Variants in ISM1 observed in about 807,000 individuals in gnomAD.
ISM1 encodes the protein isthmin 1.
ISM1 carries 25 observed loss-of-function variants against 46.3 expected under a neutral mutation model. The ratio of observed to expected loss-of-function variants is 0.54; its 90% CI spans 0.39 to 0.75. The LOEUF (loss-of-function observed/expected upper bound fraction) is 0.75, where lower values mean the gene tolerates loss of function less well. ISM1 is among the 30% of genes least tolerant of loss of function. ISM1 has a pLI of 0.00. For synonymous variants in ISM1, 255 were observed against 256.7 expected, an observed-to-expected ratio of 0.99 and a Z score of 0.06; for missense variants, 536 against 625.4, an observed-to-expected ratio of 0.86 and a Z score of 1.52.
rs1568693308 is a variant in ISM1, at chr20:13,299,741, G to A, written c.*282G>A. ...TGGAAGCCAGAAGAAGAACCTGGAA[G>A]CCACAGTGGGTGCGACTCAATTCAC... On this transcript the variant is annotated 3_prime_UTR_variant, in exon 6 of 6. Transcript: ENST00000262487. The surrounding 1 kb of genome is among the most constrained non-coding windows in gnomAD (Gnocchi z 5.8). The A allele has an allele frequency of 8.7e-6, 3 of 345,982 alleles. No individual in the cohort carries two copies. The highest frequency in any genetic ancestry group is 8.1e-5 in the South Asian group (1 of 12,356). The allele number at this position is 345,982 out of a possible 1,614,324, so 21.4% of individuals were successfully genotyped here. A position where few individuals can be genotyped will look rare whatever the true frequency, so the allele number is the denominator to read the frequency against.
At chr20:13,304,696 A>G (rs115056229), downstream of ISM1, among the ~76,000 whole-genome samples, 664 of 152,260 alleles carry the variant, frequency 4.4e-3, 3 homozygotes, top group African/African-American at 0.013. Context: ...CAGTAAACCC[A>G]TAAGACTCCA....
chr20:13,221,857 G>C lies in ISM1; in HGVS notation c.81G>C (p.Ser27=), dbSNP rs764476043. 6 of 1,432,608 alleles carry C rather than the reference G, an allele frequency of 4.2e-6. No homozygotes were observed. In the South Asian group the frequency reaches 7.1e-5, roughly 17 times the overall value. The allele number at this position is 1,432,608 out of a possible 1,614,324, so 88.7% of individuals were successfully genotyped here. A position where few individuals can be genotyped will look rare whatever the true frequency, so the allele number is the denominator to read the frequency against. The stretch of plus-strand genomic sequence containing the variant: ...TGCACATCACCGTGCTGCGCGGCTC[G>C]GGAGCCGCCGACGGGCCCGACGCGG... ...LTLHITVLRG[S]GAADGPDAAA... The change falls in exon 1 of 6, where the codon TCG becomes TCC. Residue 27 remains serine, a synonymous_variant. Coordinates refer to ENST00000262487, the MANE Select transcript of ISM1 (RefSeq NM_080826.2).
chr20:13,261,347 G>T (rs935718437), intron 1 of ISM1, among the ~76,000 whole-genome samples: 3 of 151,988 alleles, frequency 2.0e-5, no homozygotes, highest in Admixed American at 1.3e-4. Context: ...GAACCCAGAA[G>T]GCAGAGGTTG....
the ISM1 span, among the ~76,000 whole-genome samples, chr20:13,306,564 C>CAAAAAAAAAAAAAA: frequency 1.6e-5 from 1 of 63,912 alleles, no homozygotes. Flanking sequence ...GGAGAAAGGA[C>CAAAAAAAAAAAAAA]AAAAAAAAAA....
At chr20:13,267,409 G>T (rs1009584074) in intron 1 of ISM1, among the ~76,000 whole-genome samples, 4 of 152,198 alleles carry the variant, frequency 2.6e-5, no homozygotes, top group African/African-American at 9.7e-5. Flanking sequence ...TCCCGGCAGA[G>T]GTACTTGTGG....
intron 2 of ISM1, among the ~76,000 whole-genome samples, chr20:13,271,280 C>T (rs2040112596): frequency 6.6e-6 from 1 of 152,002 alleles, no homozygotes; most frequent in Non-Finnish European, 1.5e-5. Flanking sequence ...ACATGACTTA[C>T]AAAACAATAA....
At chr20:13,224,101 A>G (rs182865422) in intron 1 of ISM1, among the ~76,000 whole-genome samples, 59 of 152,186 alleles carry the variant, frequency 3.9e-4, no homozygotes, top group African/African-American at 1.3e-3. Flanking sequence ...TGCTCCTAGA[A>G]ATATCTTGAG....
At chr20:13,265,434 A>C (rs973983633) in intron 1 of ISM1, among the ~76,000 whole-genome samples, 1 of 152,164 alleles carries the variant, frequency 6.6e-6, no homozygotes, top group African/African-American at 2.4e-5. Context: ...TTCAGTGTAC[A>C]TCAGTCAAGT....
At chr20:13,223,337 C>G (rs2039474916) in intron 1 of ISM1, among the ~76,000 whole-genome samples, 2 of 152,078 alleles carry the variant, frequency 1.3e-5, no homozygotes, top group African/African-American at 4.8e-5. Context: ...TAATAAAACA[C>G]TTCCATTGTG....
At chr20:13,318,725 G>A in the ISM1 span, among the ~76,000 whole-genome samples, 3 of 152,276 alleles carry the variant, frequency 2.0e-5, no homozygotes, top group East Asian at 3.9e-4. Context: ...GTCAAGCCAT[G>A]AGAAAATATT....
At chr20:13,260,060 C>T (rs2039970752) in intron 1 of ISM1, among the ~76,000 whole-genome samples, 1 of 152,176 alleles carries the variant, frequency 6.6e-6, no homozygotes, top group African/African-American at 2.4e-5. Flanking sequence ...CCCACAATTG[C>T]ATCAGCTGCC....
chr20:13,232,600 G>C (rs1282412534), intron 1 of ISM1, among the ~76,000 whole-genome samples: 1 of 152,154 alleles, frequency 6.6e-6, no homozygotes, highest in Non-Finnish European at 1.5e-5. Flanking sequence ...TCAGGTATAA[G>C]CCTTTGTGTG....
chr20:13,312,863 T>C, the ISM1 span, among the ~76,000 whole-genome samples: 23 of 152,336 alleles, frequency 1.5e-4, no homozygotes, highest in East Asian at 3.5e-3. Flanking sequence ...TGTCTGACTC[T>C]AAATCCATTT....
At chr20:13,253,512 G>A (rs143574188) in intron 1 of ISM1, among the ~76,000 whole-genome samples, 2 of 152,284 alleles carry the variant, frequency 1.3e-5, no homozygotes, top group East Asian at 1.9e-4. Context: ...GCTCCTTACC[G>A]ACTATCAGCC....
intron 3 of ISM1, among the ~76,000 whole-genome samples, chr20:13,287,703 G>A (rs2123305717): frequency 6.6e-6 from 1 of 152,278 alleles, no homozygotes; most frequent in South Asian, 2.1e-4. Context: ...CAAGAATTGT[G>A]CCTGACATAC....
At chr20:13,233,456 G>A (rs769773076) in intron 1 of ISM1, among the ~76,000 whole-genome samples, 17 of 152,130 alleles carry the variant, frequency 1.1e-4, no homozygotes, top group Admixed American at 3.9e-4. Flanking sequence ...TTAGCCGGGC[G>A]TGGTGGTGCA....
At chr20:13,261,815 G>C (rs912976874) in intron 1 of ISM1, among the ~76,000 whole-genome samples, 5 of 152,118 alleles carry the variant, frequency 3.3e-5, no homozygotes, top group African/African-American at 1.2e-4. Flanking sequence ...GGGTCCCTAG[G>C]CCACCCCTAC....
rs192025982 is a variant in ISM1, at chr20:13,249,140, A to G, written c.139-21364A>G. Among the ~76,000 whole-genome samples the G allele has an allele frequency of 1.2e-3, 183 of 152,320 alleles. 1 individual carries two copies. The Middle Eastern group carries it at 0.017, about 14-fold the overall frequency. On this transcript the variant is annotated intron_variant, in intron 1 of 5. Coordinates refer to ENST00000262487, the MANE Select transcript of ISM1 (RefSeq NM_080826.2). ...TTTAGGATGATTTTTGAAAAGATAAATAAAATAAGGACACAAAGATCTGGG... is the reference window on the plus strand; with the variant it reads ...TTTAGGATGATTTTTGAAAAGATAAGTAAAATAAGGACACAAAGATCTGGG...
intron 1 of ISM1, among the ~76,000 whole-genome samples, chr20:13,224,991 GCC>G (rs2039500766): frequency 6.6e-6 from 1 of 150,662 alleles, no homozygotes; most frequent in Admixed American, 6.6e-5. Context: ...GACTACAGGC[GCC>G]TGCCACCACG....
Sources: gnomAD v4.1 joint callset for allele counts (sites outside exome capture counted in the v4.1 genomes callset) on GRCh38, gnomAD v4.1.1 for gene constraint, Gnocchi (gnomAD v3.1) non-coding constraint, MANE v1.5 for transcripts, NCBI Gene and HGNC (gene_info 2026-07-23, HGNC 2026-07-21) for gene names.